The following DNAH9 variants were observed in gnomAD, a reference collection of about 807,000 sequenced individuals.
DNAH9 encodes DNAH9 variant protein.
DNAH9 carries 345 observed loss-of-function variants against 471.6 expected under a neutral mutation model. That is an observed-to-expected ratio of 0.73 (90% confidence interval 0.67 to 0.80). The LOEUF (loss-of-function observed/expected upper bound fraction) is 0.80. Among genes scored for constraint, DNAH9 ranks in the 30% least tolerant of loss-of-function variants. The pLI is 0.00. For missense variants in DNAH9, 5,407 were observed against 5,609.2 expected, an observed-to-expected ratio of 0.96 and a Z score of 1.15; for synonymous variants, 2,093 against 2,123.6, an observed-to-expected ratio of 0.99 and a Z score of 0.40.
At chr17:11,859,141 G>C (rs1307733333) in intron 50 of DNAH9, among the ~76,000 whole-genome samples, 1 of 148,352 alleles carries the variant, frequency 6.7e-6, no homozygotes, top group Non-Finnish European at 1.5e-5. Flanking sequence ...AGCCAGGCAT[G>C]GTGGCTCACA....
chr17:11,761,919 AC>A (rs1967687805), intron 35 of DNAH9, among the ~76,000 whole-genome samples: 1 of 151,382 alleles, frequency 6.6e-6, no homozygotes, highest in Admixed American at 6.6e-5. Context: ...GGGTTGCAAA[AC>A]CCTCTGCGAG....
At chr17:11,748,668 T>C (rs776454232) in intron 32 of DNAH9, among the ~76,000 whole-genome samples, 5 of 152,158 alleles carry the variant, frequency 3.3e-5, no homozygotes, top group Non-Finnish European at 7.3e-5. Flanking sequence ...CCCTGGGTGC[T>C]GATCTCAGCC....
intron 1 of DNAH9, among the ~76,000 whole-genome samples, chr17:11,605,477 C>CTGT (rs71142221): frequency 6.8e-4 from 3 of 4,392 alleles, no homozygotes; most frequent in African/African-American, 1.5e-3. Flanking sequence ...GCTTTTTGGT[C>CTGT]TGTTGTTGTT....
At chr17:11,895,509 C>T (rs537200879) in intron 59 of DNAH9, among the ~76,000 whole-genome samples, 1 of 152,286 alleles carries the variant, frequency 6.6e-6, no homozygotes, top group East Asian at 1.9e-4. Flanking sequence ...GACAACAATT[C>T]ATATGCAGTT....
Position 11,937,402 on chromosome 17 carries a change from C to A in DNAH9, c.12540C>A (p.His4180Gln), listed in dbSNP as rs1183066755. The change falls in exon 66 of 69, where the codon CAC becomes CAA. Residue 4180 changes from histidine (H) to glutamine (Q), a missense_variant. Transcript: ENST00000262442. This position sits in a 1 kb window ranked among gnomAD's most constrained non-coding sequence, Gnocchi z 4.1. ...PPESPYLYGL[H>Q]PNAEIGFLTQ... is the part of the protein sequence containing the mutation. ...AATCCCCCTACCTCTATGGCCTCCA[C>A]CCGAACGCAGAGATTGGCTTCCTGA... 1.2e-6 allele frequency: 2 copies of A among 1,614,078 alleles called. No individual in the cohort carries two copies. The highest frequency in any genetic ancestry group is 1.7e-6 in the Non-Finnish European group (2 of 1,179,960).
At chr17:11,912,494 T>G (rs1973823628) in intron 61 of DNAH9, among the ~76,000 whole-genome samples, 1 of 152,166 alleles carries the variant, frequency 6.6e-6, no homozygotes, top group Non-Finnish European at 1.5e-5. Context: ...TATTCCTAGT[T>G]TGTTGAGTTC....
intron 22 of DNAH9, among the ~76,000 whole-genome samples, chr17:11,694,761 CTTCCTTCCTTCCTTCCTTCTTTCT>C (rs1567725193): frequency 1.1e-3 from 3 of 2,780 alleles, no homozygotes; most frequent in African/African-American, 2.1e-3. Context: ...TCCTTCCTTC[CTTCCTTCCTTCCTTCCTTCTTTCT>C]TTCTTTCTTT....
chr17:11,930,210 C>G, intron 63 of DNAH9, 117 bp downstream of exon 63: 1 of 890,174 alleles, frequency 1.1e-6, no homozygotes, highest in Non-Finnish European at 1.7e-6. Flanking sequence ...GGCTACGGAG[C>G]AATGCTGATG....
chr17:11,828,495 C>T (rs917999257), intron 48 of DNAH9, among the ~76,000 whole-genome samples: 4 of 126,608 alleles, frequency 3.2e-5, no homozygotes, highest in East Asian at 2.2e-4. Flanking sequence ...AAATAGTGCC[C>T]GAACAGAGTG....
At chr17:11,742,734 G>T (rs1401327567) in intron 30 of DNAH9, among the ~76,000 whole-genome samples, 1 of 152,162 alleles carries the variant, frequency 6.6e-6, no homozygotes, top group Admixed American at 6.5e-5. Flanking sequence ...TAAGGCAGGA[G>T]GAAATTCACA....
intron 53 of DNAH9, among the ~76,000 whole-genome samples, chr17:11,879,510 G>A (rs540717255): frequency 6.6e-6 from 1 of 152,116 alleles, no homozygotes; most frequent in East Asian, 1.9e-4. Context: ...CTTTGTTTGA[G>A]TTGTATTATA....
intron 17 of DNAH9, among the ~76,000 whole-genome samples, chr17:11,674,078 T>A (rs2074013845): frequency 6.6e-6 from 1 of 152,192 alleles, no homozygotes; most frequent in African/African-American, 2.4e-5. Context: ...AGTATTCCCT[T>A]AGATTAATGT....
At chr17:11,601,044 G>A (rs924529740) in intron 1 of DNAH9, among the ~76,000 whole-genome samples, 2 of 152,200 alleles carry the variant, frequency 1.3e-5, no homozygotes, top group Non-Finnish European at 2.9e-5. Context: ...GTGGAATCAT[G>A]CAGTATTTGT....
chr17:11,685,785 A>C (rs987985727), intron 19 of DNAH9, among the ~76,000 whole-genome samples: 28 of 149,344 alleles, frequency 1.9e-4, no homozygotes, highest in African/African-American at 6.6e-4. Context: ...TCACAAAGTC[A>C]GGGTTGGATA....
At chr17:11,712,586 A>G (rs1173564770) in intron 26 of DNAH9, among the ~76,000 whole-genome samples, 1 of 152,104 alleles carries the variant, frequency 6.6e-6, no homozygotes, top group African/African-American at 2.4e-5. Context: ...AATATTTACT[A>G]TTGTCCGTTT....
chr17:11,928,125 T>TCATC (rs60276672), intron 62 of DNAH9, among the ~76,000 whole-genome samples: 1 of 150,720 alleles, frequency 6.6e-6, no homozygotes, highest in Non-Finnish European at 1.5e-5. Context: ...ATTTATTTAT[T>TCATC]CATTCATTCA....
intron 20 of DNAH9, among the ~76,000 whole-genome samples, chr17:11,693,566 A>G (rs1415004206): frequency 5.3e-5 from 8 of 152,158 alleles, no homozygotes; most frequent in Non-Finnish European, 1.0e-4. Flanking sequence ...GTCTAAATGC[A>G]TTAATGAATA....
chr17:11,667,917 A>G (rs1162648087), intron 15 of DNAH9, among the ~76,000 whole-genome samples: 1 of 152,216 alleles, frequency 6.6e-6, no homozygotes, highest in Non-Finnish European at 1.5e-5. Context: ...ACTCTATTTC[A>G]AGGGAAGAAG....
chr17:11,678,817 A>T (rs1358478038), intron 17 of DNAH9, among the ~76,000 whole-genome samples: 1 of 152,028 alleles, frequency 6.6e-6, no homozygotes, highest in Admixed American at 6.5e-5. Context: ...ACTCTTCTCA[A>T]ATGTTGCTCT....
Sources: allele counts gnomAD v4.1 joint callset (sites outside exome capture counted in the v4.1 genomes callset), GRCh38; gene constraint gnomAD v4.1.1; non-coding constraint Gnocchi (gnomAD v3.1); transcripts MANE v1.5; gene names NCBI Gene and HGNC (gene_info 2026-07-23, HGNC 2026-07-21).